The following UBR2 variants were observed in gnomAD, a reference collection of about 807,000 sequenced individuals.
The protein encoded by UBR2 is ubiquitin protein ligase E3 component n-recognin 2.
In UBR2, 92 loss-of-function variants were observed where a neutral mutation model predicts 247.9. The ratio of observed to expected loss-of-function variants is 0.37; its 90% confidence interval spans 0.31 to 0.44. UBR2 has a LOEUF of 0.44. Among genes scored for constraint, UBR2 ranks in the 20% least tolerant of loss-of-function variants. UBR2 has a pLI of 1.00. For missense variants in UBR2, 1,613 were observed against 2,112.6 expected (o/e 0.76, Z 4.64); for synonymous variants, 672 against 693.5 (o/e 0.97, Z 0.49).
intron 43 of UBR2, among the ~76,000 whole-genome samples, chr6:42,684,153 C>T (rs1582731542): frequency 6.6e-6 from 1 of 152,184 alleles, no homozygotes; most frequent in East Asian, 1.9e-4. Context: ...TAGAAGTATA[C>T]ATCAGAATAA....
chr6:42,658,395 AT>A (rs1384984456), intron 28 of UBR2, 75 bp downstream of exon 28: 2 of 1,374,846 alleles, frequency 1.5e-6, no homozygotes, highest in African/African-American at 3.0e-5. Flanking sequence ...ATTTATCTAC[AT>A]TAAGTTGCCA....
At chr6:42,574,674 A>G (rs538825979) in intron 2 of UBR2, among the ~76,000 whole-genome samples, 18 of 149,824 alleles carry the variant, frequency 1.2e-4, no homozygotes, top group Non-Finnish European at 2.4e-4. Flanking sequence ...ACATTTTCCC[A>G]TATATCATTT....
chr6:42,653,606 CTTTTTTTTTTTTT>C (rs72460060), intron 25 of UBR2, among the ~76,000 whole-genome samples: 4 of 50,618 alleles, frequency 7.9e-5, no homozygotes, highest in African/African-American at 1.8e-4. Context: ...ATGCTAAGCC[CTTTTTTTTTTTTT>C]TTTTTTTTTT....
chr6:42,645,426 A>G (rs769524957), intron 20 of UBR2, 40 bp from the exon 21 acceptor site: 3 of 1,577,808 alleles, frequency 1.9e-6, no homozygotes, highest in African/African-American at 1.4e-5. Flanking sequence ...TATTGTGATT[A>G]TGTTAAATGT....
intron 11 of UBR2, among the ~76,000 whole-genome samples, chr6:42,626,179 T>C (rs904673959): frequency 5.3e-5 from 8 of 152,202 alleles, no homozygotes; most frequent in East Asian, 1.9e-4. Context: ...TCTTTAGATT[T>C]TGCCATTCTT....
intron 21 of UBR2, among the ~76,000 whole-genome samples, chr6:42,646,048 C>G (rs1327275054): frequency 6.6e-6 from 1 of 152,070 alleles, no homozygotes; most frequent in Non-Finnish European, 1.5e-5. Context: ...TAATGACGAG[C>G]CCTTGTTTCA....
At chr6:42,600,130 A>G (rs1290930353) in intron 4 of UBR2, among the ~76,000 whole-genome samples, 1 of 152,170 alleles carries the variant, frequency 6.6e-6, no homozygotes, top group Admixed American at 6.6e-5. Context: ...GATAACAGTT[A>G]AAATCTTTAT....
chr6:42,603,514 T>C (rs1447317247), intron 4 of UBR2, 74 bp from the exon 5 acceptor site: 2 of 1,372,890 alleles, frequency 1.5e-6, no homozygotes, highest in Non-Finnish European at 1.9e-6. Context: ...TTTTGAGGGA[T>C]GGAAGCAGAA....
intron 3 of UBR2, among the ~76,000 whole-genome samples, chr6:42,592,753 A>G (rs1792748675): frequency 6.6e-6 from 1 of 152,200 alleles, no homozygotes; most frequent in African/African-American, 2.4e-5. Flanking sequence ...TTTTCACCCT[A>G]ATCATAAAAC....
At chr6:42,663,097 G>C (rs1211334656) in intron 31 of UBR2, among the ~76,000 whole-genome samples, 161 bp from the exon 32 acceptor site, 1 of 151,676 alleles carries the variant, frequency 6.6e-6, no homozygotes, top group African/African-American at 2.4e-5. Context: ...AATCCATTTG[G>C]ATTTTTAAAA....
chr6:42,646,251 C>T (rs1267192016), intron 21 of UBR2, among the ~76,000 whole-genome samples: 1 of 152,124 alleles, frequency 6.6e-6, no homozygotes. Flanking sequence ...TAATTTGAAA[C>T]ATAGATCAAA....
chr6:42,636,180 TTG>T (rs1195913907), intron 14 of UBR2, among the ~76,000 whole-genome samples: 23,255 of 97,140 alleles, frequency 0.24, 1,785 homozygotes, highest in South Asian at 0.29. Flanking sequence ...GTTTTTTTTT[TTG>T]TTTTTTTTTT....
intron 1 of UBR2, among the ~76,000 whole-genome samples, chr6:42,568,056 T>A (rs926650656): frequency 3.9e-5 from 6 of 152,110 alleles, no homozygotes; most frequent in African/African-American, 1.4e-4. Context: ...TCAAAAAAAA[T>A]TTTGTTTTAA....
intron 22 of UBR2, among the ~76,000 whole-genome samples, chr6:42,649,613 A>G (rs930352820): frequency 3.3e-5 from 5 of 152,174 alleles, no homozygotes; most frequent in African/African-American, 9.7e-5. Flanking sequence ...GCAGTCTTTT[A>G]GTACCTTATT....
chr6:42,645,084 A>G lies in UBR2; in HGVS notation c.2285-382A>G, dbSNP rs80110353. Among the ~76,000 whole-genome samples, 707 of 152,206 alleles carry G rather than the reference A, an allele frequency of 4.6e-3. 3 individuals are homozygous for G. The highest frequency in any genetic ancestry group is 0.014 in the African/African-American group (589 of 41,536). ...GTCAGGAGATGATACCAATGAAGAA[A>G]GTCTCCGAAGTTGATATTTTATTTG... On this transcript the variant is annotated intron_variant, in intron 20 of 46. Transcript: ENST00000372901.
intron 28 of UBR2, 78 bp from the exon 29 acceptor site, chr6:42,658,568 C>G (rs1797577401): frequency 1.5e-6 from 2 of 1,352,918 alleles, no homozygotes; most frequent in Middle Eastern, 1.9e-4. Flanking sequence ...TTGGTATTTA[C>G]AGTGAAGATA....
At chr6:42,571,878 T>C (rs1488749243) in intron 1 of UBR2, among the ~76,000 whole-genome samples, 1 of 152,114 alleles carries the variant, frequency 6.6e-6, no homozygotes, top group Non-Finnish European at 1.5e-5. Context: ...AATAAGATTC[T>C]AGTATGCTTG....
chr6:42,656,576 A>G (rs1393357128), intron 26 of UBR2, among the ~76,000 whole-genome samples: 2 of 152,192 alleles, frequency 1.3e-5, no homozygotes, highest in Admixed American at 6.5e-5. Context: ...TGATGGTGCT[A>G]TGATAGGAGT....
intron 11 of UBR2, among the ~76,000 whole-genome samples, chr6:42,620,832 T>C (rs1302788332): frequency 6.7e-6 from 1 of 150,016 alleles, no homozygotes; most frequent in South Asian, 2.1e-4. Context: ...TTAGACGGAG[T>C]CTCGCTCTGT....
Sources: gnomAD v4.1 joint callset for allele counts (sites outside exome capture counted in the v4.1 genomes callset) on GRCh38, gnomAD v4.1.1 for gene constraint, MANE v1.5 for transcripts, NCBI Gene and HGNC (gene_info 2026-07-23, HGNC 2026-07-21) for gene names.